Variants in EDC4 observed in about 807,000 individuals in gnomAD.
The protein encoded by EDC4 is enhancer of mRNA decapping 4, also known as enhancer of mRNA-decapping protein 4.
In EDC4, 64 loss-of-function variants were observed where a neutral mutation model predicts 155.8. That is an observed-to-expected ratio of 0.41 (90% CI 0.34 to 0.51). The LOEUF (loss-of-function observed/expected upper bound fraction) is 0.51. Among genes scored for constraint, EDC4 ranks in the 20% least tolerant of loss-of-function variants. EDC4 has a pLI of 0.19. For missense variants in EDC4, 1,303 were observed against 1,812.5 expected (o/e 0.72, Z 5.10); for synonymous variants, 684 against 716.8 (o/e 0.95, Z 0.73).
Position 67,883,984 on chromosome 16 carries a change from G to C in EDC4, c.4042G>C (p.Asp1348His). ...CCTGGAAGAGGCCGTGATGCACCTG[G>C]ACCACAGTGACCCCATCACTCGGGA... ...SYLEEAVMHL[D>H]HSDPITRDHM... is the part of the protein sequence containing the mutation. The change falls in exon 29 of 29, where the codon GAC becomes CAC. Residue 1348 changes from aspartate (D) to histidine (H), a missense_variant. Around this residue, in one of 5 missense-constraint regions of EDC4, gnomAD observed 527 missense variants for 757.0 expected, o/e 0.70. Coordinates refer to ENST00000358933, the MANE Select transcript of EDC4 (RefSeq NM_014329.5). The surrounding 1 kb of genome is among the most constrained non-coding windows in gnomAD (Gnocchi z 5.3). 6.2e-7 allele frequency: 1 copy of C among 1,611,060 alleles called. No homozygotes were observed. Among genetic ancestry groups the C allele is most frequent in the Non-Finnish European group, 8.5e-7 (1 of 1,177,942 alleles).
intron 1 of EDC4, 115 bp from the exon 2 acceptor site, chr16:67,875,830 T>C: frequency 1.3e-6 from 2 of 1,505,118 alleles, no homozygotes; most frequent in Non-Finnish European, 1.8e-6. Context: ...ATGGACATGC[T>C]TTGCTCAGTT....
Position 67,876,742 on chromosome 16 carries a change from T to A in EDC4, c.352-131T>A. The A allele has an allele frequency of 6.4e-7, 1 of 1,557,048 alleles. No individual in the cohort carries two copies. The highest frequency in any genetic ancestry group is 8.7e-7 in the Non-Finnish European group (1 of 1,149,346). ...GCCAGGGCTGGGTGCCAAGCCTCTG[T>A]GGGAGTCTGGCTCCAGGAGGTAACA... On this transcript the variant is annotated intron_variant, in intron 3 of 28. Transcript: ENST00000358933. This position sits in a 1 kb window ranked among gnomAD's most constrained non-coding sequence, Gnocchi z 5.8.
Position 67,884,074 on chromosome 16 carries a change from C to T in EDC4, c.4132C>T (p.His1378Tyr), listed in dbSNP as rs1299939778. ...TTTTCAGTTCCTGCAGGCTGAGCCA[C>T]ACAACTCACTTGGCAAAGCAGCTCG... ...KLFQFLQAEPHNSLGKAARRL... is the reference protein window; with the variant it reads ...KLFQFLQAEPYNSLGKAARRL... The change falls in exon 29 of 29, where the codon CAC (histidine) becomes TAC (tyrosine). Residue 1378 changes from histidine to tyrosine, a missense_variant. Around this residue, in one of 5 missense-constraint regions of EDC4, gnomAD observed 527 missense variants for 757.0 expected, o/e 0.70. Transcript: ENST00000358933. This position sits in a 1 kb window ranked among gnomAD's most constrained non-coding sequence, Gnocchi z 4.1. 5 of 1,614,062 alleles carry T rather than the reference C, an allele frequency of 3.1e-6. No individual in the cohort carries two copies. Among genetic ancestry groups the T allele is most frequent in the Non-Finnish European group, 4.2e-6 (5 of 1,180,034 alleles).
rs938613440 is a variant in EDC4 at position 67,876,182 on chromosome 16, C to T, written c.239+81C>T. 42 of 1,450,804 alleles carry T rather than the reference C, an allele frequency of 2.9e-5. No individual in the cohort carries two copies. The highest frequency in any genetic ancestry group is 1.1e-4 in the South Asian group (9 of 81,350). The allele number at this position is 1,450,804 out of a possible 1,614,324, so 89.9% of individuals were successfully genotyped here. A position where few individuals can be genotyped will look rare whatever the true frequency, so the allele number is the denominator to read the frequency against. On this transcript the variant is annotated intron_variant, in intron 2 of 28. Coordinates refer to ENST00000358933, the MANE Select transcript of EDC4 (RefSeq NM_014329.5). This position sits in a 1 kb window ranked among gnomAD's most constrained non-coding sequence, Gnocchi z 5.8. ...CTGAAGGCATGAGATGGGGAGTGAG[C>T]GGGGCCAGCAGCCTCTGCTGCTTCC... is the stretch of plus-strand genomic sequence containing the variant.
chr16:67,884,391 T>G lies in EDC4; in HGVS notation c.*243T>G. ...CCATGCCTGGAGCATGACCCTGAGA[T>G]CGTGACACCACTTGAGTGGAATTTT... On this transcript the variant is annotated 3_prime_UTR_variant, in exon 29 of 29. Coordinates refer to ENST00000358933, the MANE Select transcript of EDC4 (RefSeq NM_014329.5). The surrounding 1 kb of genome is among the most constrained non-coding windows in gnomAD (Gnocchi z 4.1). 1.8e-6 allele frequency: 1 copy of G among 552,104 alleles called. No homozygotes were observed. The highest frequency in any genetic ancestry group is 2.5e-5 in the South Asian group (1 of 39,368). The allele number at this position is 552,104 out of a possible 1,614,324, so 34.2% of individuals were successfully genotyped here.
In EDC4 at chr16:67,877,608, C is replaced by G. The variant is rs2058047245; in HGVS notation, c.741C>G (p.Asp247Glu). Reference sequence around the variant, plus strand: ...CCTTCATCCCTGAGGAGAGCGAAGACTGCTGTGAGGAGAGCAGCCCAACAG... The same window carrying G: ...CCTTCATCCCTGAGGAGAGCGAAGAGTGCTGTGAGGAGAGCAGCCCAACAG... ...WCPFIPEESE[D>E]CCEESSPTVA... The change falls in exon 6 of 29, where the codon GAC becomes GAG. Residue 247 changes from aspartate (D) to glutamate (E), a missense_variant. Transcript: ENST00000358933. The surrounding 1 kb of genome is among the most constrained non-coding windows in gnomAD (Gnocchi z 4.9). 1 of 1,614,210 alleles carries G rather than the reference C, an allele frequency of 6.2e-7. No individual in the cohort carries two copies. The highest frequency in any genetic ancestry group is 1.3e-5 in the African/African-American group (1 of 75,056).
rs1373174737 is a variant in EDC4 at position 67,879,129 on chromosome 16, T to G, written c.1460T>G (p.Leu487Arg). The change falls in exon 12 of 29, where the codon CTG becomes CGG. Residue 487 changes from leucine to arginine, a missense_variant. By Grantham distance (102) the Leu-to-Arg change is moderately radical. This residue lies in a region of EDC4 where 391 missense variants were observed against 445.4 expected (regional missense o/e 0.88). Coordinates refer to ENST00000358933, the MANE Select transcript of EDC4 (RefSeq NM_014329.5). This position sits in a 1 kb window ranked among gnomAD's most constrained non-coding sequence, Gnocchi z 6.0. Reference protein sequence around the residue: ...VLPAEEENDSLGADGTHGAGA... With the variant: ...VLPAEEENDSRGADGTHGAGA... ...CCTGCCGAAGAGGAAAATGACAGCC[T>G]GGGTGCTGGTGAGCTGCCTCAGGGT... The G allele has an allele frequency of 6.2e-7, 1 of 1,613,722 alleles. No individual in the cohort carries two copies. The highest frequency in any genetic ancestry group is 1.3e-5 in the African/African-American group (1 of 75,056).
rs1172470288 is a variant in EDC4 at position 67,879,838 on chromosome 16, G to T, written c.1822-12G>T. On this transcript the variant is annotated splice_polypyrimidine_tract_variant and intron_variant, in intron 15 of 28. Coordinates refer to ENST00000358933, the MANE Select transcript of EDC4 (RefSeq NM_014329.5). This position sits in a 1 kb window ranked among gnomAD's most constrained non-coding sequence, Gnocchi z 6.0. Reference sequence around the variant, plus strand: ...CCACAGGCCACAGGTCTTATTTCCTGCATCTCCCCAGATCACTGCCTCTCC... The same window carrying T: ...CCACAGGCCACAGGTCTTATTTCCTTCATCTCCCCAGATCACTGCCTCTCC... The T allele has an allele frequency of 6.2e-7, 1 of 1,613,292 alleles. No homozygotes were observed. The highest frequency in any genetic ancestry group is 1.1e-5 in the South Asian group (1 of 91,066).
intron 1 of EDC4, among the ~76,000 whole-genome samples, chr16:67,875,107 G>A (rs1307947341): frequency 6.6e-6 from 1 of 152,216 alleles, no homozygotes; most frequent in African/African-American, 2.4e-5. Flanking sequence ...TAGGCTCCTT[G>A]CCACCTGGGG....
chr16:67,882,960 T>G lies in EDC4; in HGVS notation c.3632T>G (p.Leu1211Arg). 6.2e-7 allele frequency: 1 copy of G among 1,613,942 alleles called. No homozygotes were observed. Among genetic ancestry groups the G allele is most frequent in the Non-Finnish European group, 8.5e-7 (1 of 1,179,792 alleles). Residue 1211 changes from leucine to arginine, a missense_variant and splice_region_variant, in exon 27 of 29, where the codon CTG becomes CGG. Leu to Arg is a moderately radical substitution (Grantham distance 102, BLOSUM62 -2). Transcript: ENST00000358933. The surrounding 1 kb of genome is among the most constrained non-coding windows in gnomAD (Gnocchi z 7.2). ...QHQLHVAVGSLQESILAQVQR... is the reference protein window; with the variant it reads ...QHQLHVAVGSRQESILAQVQR... ...ACCTCACTCACTTCCCTTTGCAGCC[T>G]GCAGGAGTCCATTTTAGCACAGGTA...
Position 67,881,559 on chromosome 16 carries a change from TTG to T in EDC4, c.2826+29_2826+30del, listed in dbSNP as rs141929773. ...GTAAGTGAATGAGCCCACTTTGTAC[TTG>T]TGGAACTTCACCCTGGGCGGGTGGA... On this transcript the variant is annotated intron_variant, in intron 21 of 28. Transcript: ENST00000358933. This position sits in a 1 kb window ranked among gnomAD's most constrained non-coding sequence, Gnocchi z 5.4. 7.4e-4 allele frequency: 1,192 copies of T among 1,613,706 alleles called. 13 individuals carry two copies. In the African/African-American group the frequency reaches 0.014, roughly 19 times the overall value.
chr16:67,879,945 C>T lies in EDC4; in HGVS notation c.1917C>T (p.Thr639=). Residue 639 remains threonine (T), a synonymous_variant, in exon 16 of 29, where the codon ACC becomes ACT. Transcript: ENST00000358933. The surrounding 1 kb of genome is among the most constrained non-coding windows in gnomAD (Gnocchi z 6.0). The part of the protein sequence containing the change: ...SLTAVSAMSS[T]SAVDPSLTRP... ...CAGCTGTGTCTGCCATGAGCAGCAC[C>T]TCAGCTGTGGACCCCTCCTTGACCA... The T allele has an allele frequency of 6.2e-7, 1 of 1,612,934 alleles. No individual in the cohort carries two copies. The highest frequency in any genetic ancestry group is 8.5e-7 in the Non-Finnish European group (1 of 1,179,276).
intron 1 of EDC4, 78 bp downstream of exon 1, chr16:67,873,421 A>C: frequency 8.6e-7 from 1 of 1,165,272 alleles, no homozygotes; most frequent in Non-Finnish European, 1.1e-6. Context: ...ATTGGGGCCC[A>C]CAGCTCCCTT....
At chr16:67,874,311 C>T (rs759639347) in intron 1 of EDC4, among the ~76,000 whole-genome samples, 2 of 152,192 alleles carry the variant, frequency 1.3e-5, no homozygotes, top group East Asian at 1.9e-4. Flanking sequence ...ATTGTGTTTC[C>T]TCAGATCTTG....
Position 67,881,678 on chromosome 16 carries a change from C to T in EDC4, c.2837C>T (p.Pro946Leu). The T allele has an allele frequency of 6.2e-7, 1 of 1,613,158 alleles. No individual in the cohort carries two copies. The highest frequency in any genetic ancestry group is 8.5e-7 in the Non-Finnish European group (1 of 1,179,262). ...CAGTGCTACTGACAGGTGGCAGAGC[C>T]CCCTGAGGACTGGCCAGCACTAATT... The part of the protein sequence containing the change: ...SRLTEHQVAE[P>L]PEDWPALIWQ... The change falls in exon 22 of 29, where the codon CCC (proline) becomes CTC (leucine). Residue 946 changes from proline to leucine, a missense_variant. By Grantham distance (98) the Pro-to-Leu change is moderately conservative (BLOSUM62 -3). Transcript: ENST00000358933. The surrounding 1 kb of genome is among the most constrained non-coding windows in gnomAD (Gnocchi z 5.4).
At position 67,878,567 on chromosome 16, in the gene EDC4, G is replaced by T. The variant is rs2058051571; in HGVS notation, c.1120G>T (p.Ala374Ser). 6.2e-7 allele frequency: 1 copy of T among 1,614,114 alleles called. No homozygotes were observed. The highest frequency in any genetic ancestry group is 1.3e-5 in the African/African-American group (1 of 74,934). ...VPFWRFLITG[A>S]DQNRELKMWC... ...TTTCTGGAGGTTCCTTATTACTGGTGCTGACCAGAACCGAGAGTTAAAGAT... is the reference window on the plus strand; with the variant it reads ...TTTCTGGAGGTTCCTTATTACTGGTTCTGACCAGAACCGAGAGTTAAAGAT... Residue 374 changes from alanine to serine, a missense_variant, in exon 10 of 29, where the codon GCT (alanine) becomes TCT (serine). Coordinates refer to ENST00000358933, the MANE Select transcript of EDC4 (RefSeq NM_014329.5). This position sits in a 1 kb window ranked among gnomAD's most constrained non-coding sequence, Gnocchi z 5.2.
chr16:67,873,283 G>T lies in EDC4; in HGVS notation c.22G>T (p.Asp8Tyr). 1 of 1,473,222 alleles carries T rather than the reference G, an allele frequency of 6.8e-7. No homozygotes were observed. The highest frequency in any genetic ancestry group is 9.0e-7 in the Non-Finnish European group (1 of 1,116,250). 91.3% of individuals were successfully genotyped at this position (1,473,222 alleles called of 1,614,324 possible). Residue 8 changes from aspartate (D) to tyrosine (Y), a missense_variant, in exon 1 of 29, where the codon GAC becomes TAC. Asp to Tyr is a radical substitution (Grantham distance 160). This residue lies in a region of EDC4 where 99 missense variants were observed against 121.3 expected (regional missense o/e 0.82). Transcript: ENST00000358933. ...GCCCATGGCCTCCTGCGCGAGCATCGACATCGAGGACGCCACGCAGCACCT... is the reference window on the plus strand; with the variant it reads ...GCCCATGGCCTCCTGCGCGAGCATCTACATCGAGGACGCCACGCAGCACCT... MASCASI[D>Y]IEDATQHLRD...
Position 67,881,163 on chromosome 16 carries a change from T to C in EDC4, c.2619T>C (p.Asp873=). 1 of 1,614,108 alleles carries C rather than the reference T, an allele frequency of 6.2e-7. No individual in the cohort carries two copies. Among genetic ancestry groups the C allele is most frequent in the Non-Finnish European group, 8.5e-7 (1 of 1,180,030 alleles). ...YHLLQQRDSQ[D]ASAEQSDHDD... ...TGCTGCAGCAACGTGACAGCCAGGA[T>C]GCCAGTGCTGAGCAAAGGTGGGAGC... Residue 873 remains aspartate (D), a synonymous_variant, in exon 19 of 29, where the codon GAT becomes GAC. Transcript: ENST00000358933. This position sits in a 1 kb window ranked among gnomAD's most constrained non-coding sequence, Gnocchi z 5.4.
Position 67,883,315 on chromosome 16 carries a change from A to G in EDC4, c.3849+138A>G. 7.2e-7 allele frequency: 1 copy of G among 1,388,854 alleles called. No individual in the cohort carries two copies. Among genetic ancestry groups the G allele is most frequent in the Non-Finnish European group, 9.6e-7 (1 of 1,044,656 alleles). The allele number at this position is 1,388,854 out of a possible 1,614,324, so 86.0% of individuals were successfully genotyped here. On this transcript the variant is annotated intron_variant, in intron 27 of 28. Coordinates refer to ENST00000358933, the MANE Select transcript of EDC4 (RefSeq NM_014329.5). The surrounding 1 kb of genome is among the most constrained non-coding windows in gnomAD (Gnocchi z 5.3). ...CTTGGTTCCCTTTGGCCTCCAGGCCATTGTCCCTGCTGCTTCCTCTTCCTG... is the reference window on the plus strand; with the variant it reads ...CTTGGTTCCCTTTGGCCTCCAGGCCGTTGTCCCTGCTGCTTCCTCTTCCTG...
Sources: allele counts gnomAD v4.1 joint callset (sites outside exome capture counted in the v4.1 genomes callset), GRCh38; gene constraint gnomAD v4.1.1; regional missense constraint gnomAD v4.1.1; non-coding constraint Gnocchi (gnomAD v3.1); transcripts MANE v1.5; gene names NCBI Gene and HGNC (gene_info 2026-07-23, HGNC 2026-07-21).